The following NAAA variants were observed in gnomAD, a reference collection of about 807,000 sequenced individuals.
The protein encoded by NAAA is N-acylethanolamine-hydrolyzing acid amidase.
Under a neutral mutation model 44.8 loss-of-function variants are expected in NAAA, and 39 were observed. The observed-to-expected ratio is 0.87, with a 90% CI of 0.67 to 1.14. The LOEUF (loss-of-function observed/expected upper bound fraction) is 1.14, where lower values mean the gene tolerates loss of function less well. Ranked by LOEUF, NAAA falls within the 50% of genes most tolerant of loss-of-function variation. The pLI, the probability that NAAA is intolerant of heterozygous loss-of-function variation, is 0.00. For missense variants in NAAA, 460 were observed against 467.8 expected (o/e 0.98, Z 0.15); for synonymous variants, 178 against 191.3 (o/e 0.93, Z 0.58).
chr4:75,911,176 G>T (rs1394704561), downstream of NAAA, among the ~76,000 whole-genome samples: 5 of 152,180 alleles, frequency 3.3e-5, no homozygotes, highest in Non-Finnish European at 7.3e-5. Flanking sequence ...GGTGGGGCAG[G>T]AACAAATCAC....
At chr4:75,920,394 A>G (rs1166988656) in intron 7 of NAAA, among the ~76,000 whole-genome samples, 2 of 152,246 alleles carry the variant, frequency 1.3e-5, no homozygotes, top group Admixed American at 1.3e-4. Context: ...CCTTCTAAAA[A>G]TATCTTGCCT....
Position 75,933,805 on chromosome 4 carries a change from C to A in NAAA, c.498+2304G>T, listed in dbSNP as rs534317070. On this transcript the variant is annotated intron_variant, in intron 3 of 10. Coordinates refer to ENST00000286733, the MANE Select transcript of NAAA (RefSeq NM_014435.4). ...ATCCCAGCACTTTGGGAGGCCGAGG[C>A]GGGTGGATTATCTGAGCTCAGGAGT... Among the ~76,000 whole-genome samples, 9 of 151,848 alleles carry A rather than the reference C, an allele frequency of 5.9e-5. No individual in the cohort carries two copies. In the South Asian group the frequency reaches 1.7e-3, roughly 28 times the overall value.
chr4:75,940,239 C>A, intron 1 of NAAA, 74 bp from the exon 2 acceptor site: 1 of 1,506,424 alleles, frequency 6.6e-7, no homozygotes, highest in Non-Finnish European at 9.0e-7. Context: ...GCACTGCGAG[C>A]GGGGCTACAT....
intron 1 of NAAA, among the ~76,000 whole-genome samples, chr4:75,940,540 A>T (rs1728172665): frequency 6.6e-6 from 1 of 152,248 alleles, no homozygotes; most frequent in African/African-American, 2.4e-5. Flanking sequence ...CTGGCGTGCC[A>T]CGGGTGACAC....
intron 4 of NAAA, among the ~76,000 whole-genome samples, chr4:75,926,616 T>C (rs1438088908): frequency 2.0e-5 from 3 of 149,160 alleles, no homozygotes; most frequent in Admixed American, 1.3e-4. Flanking sequence ...ATTCACAGAT[T>C]GAGAGAAAAT....
At position 75,940,083 on chromosome 4, in the gene NAAA, CGGTGAA is replaced by C. The variant is rs755548843; in HGVS notation, c.283_288del (p.Phe95_Thr96del). The C allele has an allele frequency of 1.9e-5, 31 of 1,613,974 alleles. No homozygotes were observed. The highest frequency in any genetic ancestry group is 2.5e-5 in the Non-Finnish European group (30 of 1,180,030). On this transcript the variant is annotated inframe_deletion, in exon 2 of 11. Transcript: ENST00000286733. ...AAGTCACACATGCCGCGGATCTCGC[CGGTGAA>C]GGGCTGGGGCAGGAAGCGCTCCAGC...
intron 2 of NAAA, among the ~76,000 whole-genome samples, chr4:75,936,700 C>T (rs1727749695): frequency 6.6e-6 from 1 of 152,222 alleles, no homozygotes; most frequent in Admixed American, 6.5e-5. Context: ...ACAAATGTTT[C>T]ATTTTGTCCC....
chr4:75,937,183 G>A (rs917213908), intron 2 of NAAA, among the ~76,000 whole-genome samples: 7 of 152,174 alleles, frequency 4.6e-5, no homozygotes, highest in African/African-American at 1.4e-4. Flanking sequence ...CACTTTGGGA[G>A]GCCAAGGTGG....
Position 75,916,778 on chromosome 4 carries a change from C to CTTTTTT in NAAA, c.999-1799_999-1794dup, listed in dbSNP as rs35739236. ...TTTTTAAAAGATATATTCATCACTT[C>CTTTTTT]TTTTTTTTTTTTTTTTTTTTTTTTT... On this transcript the variant is annotated intron_variant, in intron 9 of 10. Transcript: ENST00000286733. Among the ~76,000 whole-genome samples the CTTTTTT allele has an allele frequency of 1.5e-3, 116 of 76,970 alleles. 10 individuals carry two copies. The highest frequency in any genetic ancestry group is 5.3e-3 in the African/African-American group (111 of 21,142). The allele number at this position is 76,970 out of a possible 152,430, so 50.5% of individuals were successfully genotyped here.
At chr4:75,928,606 G>A (rs951315915) in intron 4 of NAAA, among the ~76,000 whole-genome samples, 4 of 151,482 alleles carry the variant, frequency 2.6e-5, no homozygotes, top group Admixed American at 6.6e-5. Flanking sequence ...CCTAGTAGAC[G>A]TCAGAGTGGA....
intron 4 of NAAA, among the ~76,000 whole-genome samples, chr4:75,928,944 C>T (rs1284210142): frequency 6.8e-6 from 1 of 147,720 alleles, no homozygotes; most frequent in African/African-American, 2.5e-5. Context: ...CCCGCCACCA[C>T]GCCCGGCTAA....
intron 4 of NAAA, among the ~76,000 whole-genome samples, chr4:75,928,217 A>G (rs1421980747): frequency 6.6e-6 from 1 of 152,200 alleles, no homozygotes; most frequent in Non-Finnish European, 1.5e-5. Context: ...TATAAGTGAA[A>G]TCATGCAATA....
intron 9 of NAAA, among the ~76,000 whole-genome samples, chr4:75,918,403 C>T (rs1344544602): frequency 3.3e-5 from 5 of 151,776 alleles, no homozygotes; most frequent in Admixed American, 6.6e-5. Flanking sequence ...TGCAGTGAGC[C>T]GAGATTGCGC....
At chr4:75,916,778 C>CTTTTTTTTTTTTTTT (rs35739236) in intron 9 of NAAA, among the ~76,000 whole-genome samples, 1 of 76,938 alleles carries the variant, frequency 1.3e-5, no homozygotes, top group African/African-American at 4.7e-5. Flanking sequence ...TTCATCACTT[C>CTTTTTTTTTTTTTTT]TTTTTTTTTT....
intron 5 of NAAA, among the ~76,000 whole-genome samples, chr4:75,921,543 CA>C (rs1726164313): frequency 6.6e-6 from 1 of 152,180 alleles, no homozygotes; most frequent in African/African-American, 2.4e-5. Flanking sequence ...CTATTCTCCC[CA>C]AGCCTCTGAG....
intron 4 of NAAA, chr4:75,930,324 G>T: frequency 2.8e-6 from 1 of 359,778 alleles, no homozygotes; most frequent in East Asian, 7.2e-5. Flanking sequence ...CAGTGGGGAT[G>T]TCAATGAACA....
chr4:75,911,328 A>G (rs1284554215), downstream of NAAA: 1 of 514,650 alleles, frequency 1.9e-6, no homozygotes, highest in South Asian at 1.5e-5. Context: ...AGGCCTGACA[A>G]TCACCTGATG....
Position 75,915,553 on chromosome 4 carries a change from A to G in NAAA, c.999-568T>C, listed in dbSNP as rs1342807402. Among the ~76,000 whole-genome samples, 3 of 152,210 alleles carry G rather than the reference A, an allele frequency of 2.0e-5. No homozygotes were observed. In the East Asian group the frequency reaches 5.8e-4, roughly 29 times the overall value. On this transcript the variant is annotated intron_variant, in intron 9 of 10. Transcript: ENST00000286733. The stretch of plus-strand genomic sequence containing the variant: ...GTGGCCATGCACCACCATCAGGAGA[A>G]TATCACCCAGGGAAGAGGAAAACAC...
downstream of NAAA, among the ~76,000 whole-genome samples, chr4:75,910,968 C>T (rs879006840): frequency 1.3e-5 from 2 of 152,094 alleles, no homozygotes; most frequent in Non-Finnish European, 2.9e-5. Context: ...CGGTGGAGTT[C>T]GGAGCAATTT....
Sources: allele counts gnomAD v4.1 joint callset (sites outside exome capture counted in the v4.1 genomes callset), GRCh38; gene constraint gnomAD v4.1.1; transcripts MANE v1.5; gene names NCBI Gene and HGNC (gene_info 2026-07-23, HGNC 2026-07-21).